ADCY2: variants seen among roughly 807,000 people sequenced by gnomAD.
ADCY2 encodes adenylate cyclase 2, also known as adenylate cyclase type 2.
A neutral mutation model predicts 125.2 loss-of-function variants in ADCY2; 31 were observed. The ratio of observed to expected loss-of-function variants is 0.25; its 90% CI spans 0.19 to 0.33. The LOEUF is 0.33. Ranked by LOEUF, ADCY2 falls within the 10% of genes least tolerant of loss-of-function variation. The probability of loss-of-function intolerance (pLI) is 1.00; values close to 1 mark genes in which losing one functional copy is unlikely to be tolerated. For missense variants in ADCY2, 904 were observed against 1,418.2 expected, an observed-to-expected ratio of 0.64 and a Z score of 5.82; for synonymous variants, 512 against 548.4, an observed-to-expected ratio of 0.93 and a Z score of 0.93.
chr5:7,418,521 C>G (rs1220866471), intron 2 of ADCY2, among the ~76,000 whole-genome samples: 3 of 152,086 alleles, frequency 2.0e-5, no homozygotes, highest in Non-Finnish European at 4.4e-5. Flanking sequence ...GGCTCATACC[C>G]CTTGGAGAGA....
At chr5:7,700,820 C>A (rs907943641) in intron 7 of ADCY2, among the ~76,000 whole-genome samples, 2 of 150,828 alleles carry the variant, frequency 1.3e-5, no homozygotes, top group African/African-American at 4.9e-5. Context: ...TAGAAAACTC[C>A]TGCATGCTTT....
At chr5:7,796,466 G>A (rs1394742793) in intron 20 of ADCY2, 1 of 152,208 alleles carries the variant, frequency 6.6e-6, no homozygotes, top group African/African-American at 2.4e-5. Context: ...TGCACAAAAG[G>A]AAATTAATTT....
At chr5:7,574,645 C>T (rs1438298988) in intron 3 of ADCY2, among the ~76,000 whole-genome samples, 1 of 152,012 alleles carries the variant, frequency 6.6e-6, no homozygotes, top group African/African-American at 2.4e-5. Context: ...TTGATGAGAC[C>T]CATACAAGTG....
chr5:7,447,981 C>T (rs1019363162), intron 2 of ADCY2, among the ~76,000 whole-genome samples: 2 of 152,168 alleles, frequency 1.3e-5, no homozygotes, highest in Admixed American at 6.5e-5. Flanking sequence ...GCCAAGACTT[C>T]CACAGACACG....
intron 3 of ADCY2, among the ~76,000 whole-genome samples, chr5:7,577,517 A>G (rs1374752771): frequency 6.6e-6 from 1 of 152,280 alleles, no homozygotes; most frequent in East Asian, 1.9e-4. Context: ...AAGTAAGTTG[A>G]TAGTGAATTT....
intron 3 of ADCY2, among the ~76,000 whole-genome samples, chr5:7,529,341 T>C (rs146619935): frequency 6.6e-6 from 1 of 152,240 alleles, no homozygotes; most frequent in East Asian, 1.9e-4. Flanking sequence ...GCCACAACAT[T>C]ATTATGTTTT....
intron 3 of ADCY2, among the ~76,000 whole-genome samples, chr5:7,599,011 G>A (rs1737107629): frequency 6.6e-6 from 1 of 152,236 alleles, no homozygotes; most frequent in Admixed American, 6.5e-5. Context: ...GACTGAGGCA[G>A]GTGGTCTTGC....
At chr5:7,723,800 A>G (rs937179356) in intron 12 of ADCY2, among the ~76,000 whole-genome samples, 1 of 151,356 alleles carries the variant, frequency 6.6e-6, no homozygotes, top group African/African-American at 2.4e-5. Context: ...ATGCACCTGT[A>G]GTCCCAGCTA....
At chr5:7,620,784 C>A (rs1484600303) in intron 3 of ADCY2, among the ~76,000 whole-genome samples, 1 of 151,924 alleles carries the variant, frequency 6.6e-6, no homozygotes, top group East Asian at 1.9e-4. Context: ...TTTTATTTTC[C>A]TTTGACTTAT....
intron 1 of ADCY2, among the ~76,000 whole-genome samples, chr5:7,413,981 T>A (rs1739836547): frequency 6.6e-6 from 1 of 152,226 alleles, no homozygotes. Context: ...CCATCTCTCT[T>A]GAGAGAGAAA....
At chr5:7,540,237 C>G (rs1031338688) in intron 3 of ADCY2, among the ~76,000 whole-genome samples, 5 of 151,546 alleles carry the variant, frequency 3.3e-5, no homozygotes, top group Non-Finnish European at 7.4e-5. Context: ...GGTACTAGGC[C>G]AGGTGATGAA....
At position 7,724,537 on chromosome 5, in the gene ADCY2, A is replaced by G. The variant is rs1741873748; in HGVS notation, c.1704-8A>G. 1 of 1,606,948 alleles carries G rather than the reference A, an allele frequency of 6.2e-7. No homozygotes were observed. The highest frequency in any genetic ancestry group is 1.1e-5 in the South Asian group (1 of 89,784). On this transcript the variant is annotated splice_polypyrimidine_tract_variant and splice_region_variant and intron_variant, in intron 12 of 24. Transcript: ENST00000338316. ...GTTTTATGATGTGTTGGCCCTTTCT[A>G]TTTCCAGGCAATGGCTCAAGTCTGA...
At chr5:7,410,636 T>C (rs1739671986) in intron 1 of ADCY2, among the ~76,000 whole-genome samples, 1 of 152,226 alleles carries the variant, frequency 6.6e-6, no homozygotes, top group Non-Finnish European at 1.5e-5. Flanking sequence ...GTAAATTTTA[T>C]TTTACCTTGT....
chr5:7,803,280 G>C (rs1036974542), intron 21 of ADCY2, among the ~76,000 whole-genome samples: 4 of 152,200 alleles, frequency 2.6e-5, no homozygotes, highest in African/African-American at 9.7e-5. Context: ...ATGAGTGACA[G>C]TGGATATGTG....
At chr5:7,708,810 A>T (rs1367716329) in intron 9 of ADCY2, among the ~76,000 whole-genome samples, 1 of 152,128 alleles carries the variant, frequency 6.6e-6, no homozygotes, top group African/African-American at 2.4e-5. Context: ...ATGTACAAAG[A>T]ACATTACGTT....
chr5:7,396,589 G>A lies in ADCY2; in HGVS notation c.210+83G>A, dbSNP rs1739051883. The A allele has an allele frequency of 1.6e-6, 2 of 1,217,234 alleles. No homozygotes were observed. Among genetic ancestry groups the A allele is most frequent in the Non-Finnish European group, 2.1e-6 (2 of 943,218 alleles). The allele number at this position is 1,217,234 out of a possible 1,614,324, so 75.4% of individuals were successfully genotyped here. ...GGCCAGCCGAGCCGCGTCCCGCTCC[G>A]GGCTGCCCCTCGGCCCGCGGCAGCC... On this transcript the variant is annotated intron_variant, in intron 1 of 24. Transcript: ENST00000338316. This position sits in a 1 kb window ranked among gnomAD's most constrained non-coding sequence, Gnocchi z 5.7.
chr5:7,610,365 C>T (rs1737536761), intron 3 of ADCY2, among the ~76,000 whole-genome samples: 1 of 152,058 alleles, frequency 6.6e-6, no homozygotes, highest in Non-Finnish European at 1.5e-5. Context: ...TGGGATTCTC[C>T]ATAGGAGAAA....
intron 1 of ADCY2, among the ~76,000 whole-genome samples, chr5:7,401,908 G>A (rs1739276408): frequency 6.6e-6 from 1 of 152,198 alleles, no homozygotes. Flanking sequence ...ACTGGTATAT[G>A]GGTTCTTCCT....
At chr5:7,538,865 C>CTTT (rs373296689) in intron 3 of ADCY2, among the ~76,000 whole-genome samples, 1 of 85,122 alleles carries the variant, frequency 1.2e-5, no homozygotes, top group African/African-American at 3.8e-5. Flanking sequence ...CTTTTCTTTT[C>CTTT]TTTTTTTTTT....
Sources: allele counts gnomAD v4.1 joint callset (sites outside exome capture counted in the v4.1 genomes callset), GRCh38; gene constraint gnomAD v4.1.1; non-coding constraint Gnocchi (gnomAD v3.1); transcripts MANE v1.5; gene names NCBI Gene and HGNC (gene_info 2026-07-23, HGNC 2026-07-21).